The following ABHD12 variants were observed in gnomAD, a reference collection of about 807,000 sequenced individuals.
ABHD12 encodes the protein lysophosphatidylserine lipase ABHD12.
In ABHD12, 43 loss-of-function variants were observed where a neutral mutation model predicts 58.3. The observed-to-expected ratio is 0.74, with a 90% confidence interval of 0.58 to 0.95. The LOEUF is 0.95. ABHD12 is among the 40% of genes least tolerant of loss of function. The probability of loss-of-function intolerance (pLI) is 0.00; values close to 1 mark genes in which losing one functional copy is unlikely to be tolerated. For missense variants in ABHD12, 539 were observed against 537.2 expected (o/e 1.00, Z -0.03); for synonymous variants, 219 against 211.2 (o/e 1.04, Z -0.32).
chr20:25,322,381 A>ATATATATATATATATTTATATATATTTTT, intron 3 of ABHD12, among the ~76,000 whole-genome samples: 1 of 59,284 alleles, frequency 1.7e-5, no homozygotes, highest in African/African-American at 8.3e-5. Flanking sequence ...ATATATATAT[A>ATATATATATATATATTTATATATATTTTT]TTTTTTTTTT....
In ABHD12 at chr20:25,361,041, A is replaced by C. The variant is rs555164918; in HGVS notation, c.192-21690T>G. Among the ~76,000 whole-genome samples the C allele has an allele frequency of 1.3e-3, 200 of 152,354 alleles. 2 individuals are homozygous for C. The highest frequency in any genetic ancestry group is 4.5e-3 in the African/African-American group (187 of 41,590). On this transcript the variant is annotated intron_variant, in intron 1 of 12. Coordinates refer to ENST00000339157, the MANE Select transcript of ABHD12 (RefSeq NM_001042472.3). ...TCTTCCGCAGCTCTCAGAGAGCTGG[A>C]AGCTGGACACAGGCCAAGGTGAGCT...
At chr20:25,338,903 C>G (rs973271927) in intron 2 of ABHD12, 2 of 1,163,260 alleles carry the variant, frequency 1.7e-6, no homozygotes, top group East Asian at 1.2e-4. Context: ...AAGACAGATA[C>G]GCTGGTCCCC....
downstream of ABHD12, chr20:25,295,808 G>A: frequency 1.0e-6 from 1 of 971,126 alleles, no homozygotes; most frequent in Non-Finnish European, 1.6e-6. Flanking sequence ...TCTGTCATCA[G>A]TCGGCTGTGC....
chr20:25,296,522 G>T (rs2088548873), downstream of ABHD12: 1 of 1,611,776 alleles, frequency 6.2e-7, no homozygotes, highest in South Asian at 1.1e-5. Flanking sequence ...CCCGGGACTA[G>T]GCACACCCTG....
rs1210610478 is a variant in ABHD12, at chr20:25,382,995, TC to T, written c.191+7517del. Among the ~76,000 whole-genome samples, 902 of 152,198 alleles carry T rather than the reference TC, an allele frequency of 5.9e-3. 8 individuals carry two copies. The highest frequency in any genetic ancestry group is 0.02 in the African/African-American group (850 of 41,514). ...AAGCCAGCCCCATGCCTTGTCACAG[TC>T]CTGGCCCAGACTGTACTGAGGGTGG... On this transcript the variant is annotated intron_variant, in intron 1 of 12. Coordinates refer to ENST00000339157, the MANE Select transcript of ABHD12 (RefSeq NM_001042472.3).
chr20:25,320,395 C>T (rs1371473381), intron 3 of ABHD12, 77 bp from the exon 4 acceptor site: 2 of 1,594,614 alleles, frequency 1.3e-6, no homozygotes, highest in East Asian at 4.5e-5. Context: ...CGTGGTGTTA[C>T]TTAATCAGCT....
At chr20:25,304,130 G>A (rs949636323) in intron 10 of ABHD12, among the ~76,000 whole-genome samples, 3 of 152,230 alleles carry the variant, frequency 2.0e-5, no homozygotes, top group Admixed American at 1.3e-4. Flanking sequence ...CAGGACCGGC[G>A]GAGCCTGGGC....
chr20:25,334,167 G>C (rs2089323912), intron 2 of ABHD12, among the ~76,000 whole-genome samples: 1 of 150,262 alleles, frequency 6.7e-6, no homozygotes, highest in African/African-American at 2.5e-5. Flanking sequence ...ACCAACAACA[G>C]ACAGAGAGCC....
intron 6 of ABHD12, among the ~76,000 whole-genome samples, chr20:25,311,298 GGA>G (rs2088845054): frequency 6.6e-6 from 1 of 152,308 alleles, no homozygotes; most frequent in East Asian, 1.9e-4. Flanking sequence ...AGAGAAAAAG[GGA>G]GAGGAGTCAG....
At chr20:25,361,415 A>C (rs2089745997) in intron 1 of ABHD12, among the ~76,000 whole-genome samples, 1 of 151,212 alleles carries the variant, frequency 6.6e-6, no homozygotes, top group Non-Finnish European at 1.5e-5. Context: ...TTTTTTTTTG[A>C]GACAGAGTCT....
chr20:25,328,738 G>A (rs1246831655), intron 2 of ABHD12, among the ~76,000 whole-genome samples: 1 of 152,140 alleles, frequency 6.6e-6, no homozygotes, highest in Non-Finnish European at 1.5e-5. Context: ...CAGTCTTCCA[G>A]TTCACTTTTA....
At chr20:25,377,171 T>C (rs1391714654) in intron 1 of ABHD12, among the ~76,000 whole-genome samples, 2 of 152,214 alleles carry the variant, frequency 1.3e-5, no homozygotes, top group African/African-American at 4.8e-5. Context: ...AAGCCAGATA[T>C]TGAATGTCCT....
At chr20:25,302,454 C>A in intron 11 of ABHD12, 108 bp from the exon 12 acceptor site, 1 of 1,421,104 alleles carries the variant, frequency 7.0e-7, no homozygotes, top group East Asian at 2.3e-5. Flanking sequence ...GTCCAGAGTC[C>A]CACATACACT....
intron 1 of ABHD12, among the ~76,000 whole-genome samples, chr20:25,347,202 CCAGA>C (rs1281079481): frequency 1.1e-4 from 16 of 152,264 alleles, no homozygotes; most frequent in Admixed American, 9.2e-4. Context: ...ATTATTTTTA[CCAGA>C]CAGACATATA....
intron 1 of ABHD12, among the ~76,000 whole-genome samples, chr20:25,357,065 G>A (rs2089678615): frequency 6.6e-6 from 1 of 152,160 alleles, no homozygotes; most frequent in East Asian, 1.9e-4. Flanking sequence ...TTCCTTCCCA[G>A]ACTCCAGAGA....
At chr20:25,303,323 G>A in intron 11 of ABHD12, 1 of 1,428,266 alleles carries the variant, frequency 7.0e-7, no homozygotes, top group Admixed American at 2.4e-5. Flanking sequence ...CAGCATCAGT[G>A]GGCCCCTGCC....
chr20:25,302,789 G>A (rs1167696432), intron 11 of ABHD12, among the ~76,000 whole-genome samples: 3 of 152,168 alleles, frequency 2.0e-5, no homozygotes, highest in East Asian at 3.9e-4. Context: ...GCTGCTGGGC[G>A]GCTCTGCATT....
rs73347023 is a variant in ABHD12, at chr20:25,358,877, C to T, written c.192-19526G>A. ...AGCAATGCCATCTCTATGTGAAGACCTGGATGAAAATCCAGAATATAGTGG... is the reference window on the plus strand; with the variant it reads ...AGCAATGCCATCTCTATGTGAAGACTTGGATGAAAATCCAGAATATAGTGG... On this transcript the variant is annotated intron_variant, in intron 1 of 12. Transcript: ENST00000339157. Among the ~76,000 whole-genome samples, 995 of 152,146 alleles carry T rather than the reference C, an allele frequency of 6.5e-3. 16 individuals are homozygous for T. Among genetic ancestry groups the T allele is most frequent in the African/African-American group, 0.023 (952 of 41,522 alleles).
At chr20:25,372,644 T>C (rs909905962) in intron 1 of ABHD12, among the ~76,000 whole-genome samples, 2 of 152,232 alleles carry the variant, frequency 1.3e-5, no homozygotes, top group African/African-American at 4.8e-5. Context: ...AGTACAGTCA[T>C]GCAAACTGCA....
Sources: allele counts gnomAD v4.1 joint callset (sites outside exome capture counted in the v4.1 genomes callset), GRCh38; gene constraint gnomAD v4.1.1; transcripts MANE v1.5; gene names NCBI Gene and HGNC (gene_info 2026-07-23, HGNC 2026-07-21).